The following CDAN1 variants were observed in gnomAD, a reference collection of about 807,000 sequenced individuals.
CDAN1 encodes codanin 1, also known as codanin-1.
A neutral mutation model predicts 139.8 loss-of-function variants in CDAN1; 107 were observed. The observed-to-expected ratio is 0.77, with a 90% CI of 0.65 to 0.90. The LOEUF (loss-of-function observed/expected upper bound fraction) is 0.90. CDAN1 is among the 40% of genes least tolerant of loss of function. The pLI is 0.00. For synonymous variants in CDAN1, 776 were observed against 660.6 expected (o/e 1.17, Z -2.68); for missense variants, 1,667 against 1,575.7 (o/e 1.06, Z -0.98).
intron 2 of CDAN1, 96 bp from the exon 3 acceptor site, chr15:42,736,174 C>CA: frequency 6.4e-7 from 1 of 1,571,520 alleles, no homozygotes. Flanking sequence ...AAAAACCCCA[C>CA]AAAAACCCTC....
intron 1 of CDAN1, 115 bp from the exon 2 acceptor site, chr15:42,736,895 T>C (rs1409121930): frequency 4.8e-6 from 7 of 1,460,790 alleles, no homozygotes; most frequent in Middle Eastern, 3.6e-4. Context: ...CGGCGCCCAG[T>C]TGGAGTGCAC....
Position 42,736,398 on chromosome 15 carries a change from C to T in CDAN1, c.473G>A (p.Ser158Asn), listed in dbSNP as rs2061688373. The T allele has an allele frequency of 6.2e-7, 1 of 1,612,072 alleles. No individual in the cohort carries two copies. The highest frequency in any genetic ancestry group is 8.5e-7 in the Non-Finnish European group (1 of 1,179,396). The stretch of plus-strand genomic sequence containing the variant: ...CAGCGTGAGGCTGGGGCGGCTGGGG[C>T]TGCCAGAGCCCCTAAGCCTCCGGCC... ...AGGRRLRGSG[S>N]PSRPSLTLSD... Residue 158 changes from serine (S) to asparagine (N), a missense_variant, in exon 2 of 28, where the codon AGC becomes AAC. Transcript: ENST00000356231.
rs1566979440 is a variant in CDAN1, at chr15:42,726,434, G to GAGAT, written c.3097-21_3097-18dup. 2 of 1,564,724 alleles carry GAGAT rather than the reference G, an allele frequency of 1.3e-6. No individual in the cohort carries two copies. The highest frequency in any genetic ancestry group is 1.4e-5 in the African/African-American group (1 of 73,976). The stretch of plus-strand genomic sequence containing the variant: ...GAGCACGTCCTGTGAAGAGCAGGGG[G>GAGAT]AGATATCACCTTGCGCTGGGGGCCA... On this transcript the variant is annotated splice_polypyrimidine_tract_variant and intron_variant, in intron 23 of 27. Transcript: ENST00000356231.
chr15:42,737,016 C>A lies in CDAN1; in HGVS notation c.87G>T (p.Ser29=). 1 of 1,546,658 alleles carries A rather than the reference C, an allele frequency of 6.5e-7. No individual in the cohort carries two copies. Among genetic ancestry groups the A allele is most frequent in the East Asian group, 2.5e-5 (1 of 40,720 alleles). ...GGGGGCGTGTCACCGCTGTTACCTCCGAACCCTGGGTGCTGCGCGCGATCC... is the reference window on the plus strand; with the variant it reads ...GGGGGCGTGTCACCGCTGTTACCTCAGAACCCTGGGTGCTGCGCGCGATCC... ...VRWIARSTQG[S]EDNAGEAAAL... Residue 29 remains serine (S), a synonymous_variant, in exon 1 of 28, where the codon TCG becomes TCT. Coordinates refer to ENST00000356231, the MANE Select transcript of CDAN1 (RefSeq NM_138477.4).
chr15:42,724,111 A>G lies in CDAN1; in HGVS notation c.*380T>C. ...TAACTTTCTTCATAAGTTAAGCAGG[A>G]GTCATTTGCCTCTGTCATGAATTCC... On this transcript the variant is annotated 3_prime_UTR_variant, in exon 28 of 28. Transcript: ENST00000356231. The G allele has an allele frequency of 3.2e-6, 1 of 312,206 alleles. No homozygotes were observed. The highest frequency in any genetic ancestry group is 2.2e-5 in the African/African-American group (1 of 46,424). The allele number at this position is 312,206 out of a possible 1,614,324, so 19.3% of individuals were successfully genotyped here.
rs2061514251 is a variant in CDAN1, at chr15:42,725,554, C to T, written c.3385G>A (p.Val1129Ile). The T allele has an allele frequency of 2.5e-6, 4 of 1,614,198 alleles. No homozygotes were observed. Among genetic ancestry groups the T allele is most frequent in the Non-Finnish European group, 3.4e-6 (4 of 1,180,042 alleles). Residue 1129 changes from valine to isoleucine, a missense_variant, in exon 26 of 28, where the codon GTT becomes ATT. By Grantham distance (29) the Val-to-Ile change is conservative (BLOSUM62 3). Coordinates refer to ENST00000356231, the MANE Select transcript of CDAN1 (RefSeq NM_138477.4). ...SLWKEDFQGP[V>I]PLQLLLSPRN... is the part of the protein sequence containing the mutation. ...GGGCTCAGCAGCAGCTGCAGCGGAA[C>T]CGGCCCCTGAAAGTCTTCCTTCCAC...
intron 20 of CDAN1, 116 bp from the exon 21 acceptor site, chr15:42,728,383 C>G (rs191610602): frequency 8.3e-7 from 1 of 1,212,022 alleles, no homozygotes; most frequent in Non-Finnish European, 1.2e-6. Context: ...GAAGGAGGCA[C>G]CGTTTGCCCT....
Position 42,736,439 on chromosome 15 carries a change from G to C in CDAN1, c.432C>G (p.Ser144Arg). The stretch of plus-strand genomic sequence containing the variant: ...GCCTCCGGCCCCCGGCTCCGGGCAG[G>C]CTCTCCCCGCTGACCCCCTCCTCCA... ...RGLEEGVSGE[S>R]LPGAGGRRLR... is the part of the protein sequence containing the mutation. The change falls in exon 2 of 28, where the codon AGC (serine) becomes AGG (arginine). Residue 144 changes from serine (S) to arginine (R), a missense_variant. Physicochemically the swap from Ser to Arg is moderately radical, Grantham distance 110 (BLOSUM62 -1). Around this residue, in one of 3 missense-constraint regions of CDAN1, gnomAD observed 487 missense variants for 422.2 expected, o/e 1.15. Transcript: ENST00000356231. 4 of 1,586,354 alleles carry C rather than the reference G, an allele frequency of 2.5e-6. No homozygotes were observed. Among genetic ancestry groups the C allele is most frequent in the Non-Finnish European group, 2.6e-6 (3 of 1,167,460 alleles).
rs1331469572 is a variant in CDAN1 at position 42,724,009 on chromosome 15, CT to C, written c.*481del. ...ACAGGCATGAGCCACCAGACCCGGC[CT>C]GTGTTAGGCATTTATAAGGAGATGG... On this transcript the variant is annotated 3_prime_UTR_variant, in exon 28 of 28. Coordinates refer to ENST00000356231, the MANE Select transcript of CDAN1 (RefSeq NM_138477.4). The C allele has an allele frequency of 1.9e-5, 4 of 208,160 alleles. No homozygotes were observed. The highest frequency in any genetic ancestry group is 4.7e-5 in the African/African-American group (2 of 42,306). 12.9% of individuals were successfully genotyped at this position (208,160 alleles called of 1,614,324 possible).
chr15:42,728,322 A>C, intron 20 of CDAN1, 55 bp from the exon 21 acceptor site: 1 of 1,577,794 alleles, frequency 6.3e-7, no homozygotes, highest in Non-Finnish European at 8.7e-7. Flanking sequence ...CTGGCTGCAG[A>C]AGTAAATGCC....
intron 7 of CDAN1, 45 bp downstream of exon 7, chr15:42,734,181 A>C: frequency 1.2e-6 from 2 of 1,613,948 alleles, no homozygotes; most frequent in South Asian, 2.2e-5. Context: ...GAAAGCTAGG[A>C]AGGGTTAGGT....
chr15:42,736,393 T>C lies in CDAN1; in HGVS notation c.478A>G (p.Ser160Gly). The C allele has an allele frequency of 1.2e-6, 2 of 1,612,558 alleles. No homozygotes were observed. Among genetic ancestry groups the C allele is most frequent in the Non-Finnish European group, 8.5e-7 (1 of 1,179,598 alleles). The change falls in exon 2 of 28, where the codon AGC becomes GGC. Residue 160 changes from serine (S) to glycine (G), a missense_variant. Physicochemically the swap from Ser to Gly is moderately conservative, Grantham distance 56. This residue lies in a region of CDAN1 where 487 missense variants were observed against 422.2 expected (regional missense o/e 1.15). Coordinates refer to ENST00000356231, the MANE Select transcript of CDAN1 (RefSeq NM_138477.4). ...TCAGACAGCGTGAGGCTGGGGCGGC[T>C]GGGGCTGCCAGAGCCCCTAAGCCTC... ...GRRLRGSGSP[S>G]RPSLTLSDPP...
chr15:42,729,547 C>G (rs117316699), intron 17 of CDAN1, 21 bp downstream of exon 17: 1 of 1,614,090 alleles, frequency 6.2e-7, no homozygotes, highest in East Asian at 2.2e-5. Flanking sequence ...CAAGGACCGT[C>G]CAGGGAAGAC....
intron 23 of CDAN1, 153 bp from the exon 24 acceptor site, chr15:42,726,570 T>G: frequency 1.6e-6 from 1 of 641,908 alleles, no homozygotes; most frequent in Non-Finnish European, 2.8e-6. Flanking sequence ...ACCTGGGACT[T>G]GGGCAGGATA....
At position 42,736,496 on chromosome 15, in the gene CDAN1, C is replaced by G; in HGVS notation, c.375G>C (p.Pro125=). 1 of 1,419,068 alleles carries G rather than the reference C, an allele frequency of 7.0e-7. No individual in the cohort carries two copies. The highest frequency in any genetic ancestry group is 3.3e-5 in the Admixed American group (1 of 30,486). The allele number at this position is 1,419,068 out of a possible 1,614,324, so 87.9% of individuals were successfully genotyped here. A position where few individuals can be genotyped will look rare whatever the true frequency, so the allele number is the denominator to read the frequency against. The change falls in exon 2 of 28, where the codon CCG becomes CCC. Residue 125 remains proline, a synonymous_variant. Coordinates refer to ENST00000356231, the MANE Select transcript of CDAN1 (RefSeq NM_138477.4). ...LARRGGRRRG[P]GPARERGGRG... is the part of the protein sequence containing the mutation. ...GGCCTCCACGCTCGCGGGCCGGCCC[C>G]GGGCCCCGCCTCCTGCCCCCGCGGC...
Position 42,727,767 on chromosome 15 carries a change from G to T in CDAN1, c.2950C>A (p.Leu984Met). ...CAWLSANITA[L>M]IRREVKAAVS... ...GCTGCTTTCACCTCCCTCCTGATCA[G>T]TGCTGTGGGGCAGAGGGAGAATGGG... The change falls in exon 23 of 28, where the codon CTG becomes ATG. Residue 984 changes from leucine (L) to methionine (M), a missense_variant and splice_region_variant. Physicochemically the swap from Leu to Met is conservative, Grantham distance 15. Transcript: ENST00000356231. The T allele has an allele frequency of 6.2e-7, 1 of 1,602,748 alleles. No homozygotes were observed.
rs905145838 is a variant in CDAN1, at chr15:42,733,851, A to C, written c.1367+87T>G. ...CTAACCCACCACCTGTTGGTGCCAAACTCCTAATTTCTATGAAACCAAACA... is the reference window on the plus strand; with the variant it reads ...CTAACCCACCACCTGTTGGTGCCAACCTCCTAATTTCTATGAAACCAAACA... On this transcript the variant is annotated intron_variant, in intron 8 of 27. Coordinates refer to ENST00000356231, the MANE Select transcript of CDAN1 (RefSeq NM_138477.4). 4.9e-6 allele frequency: 5 copies of C among 1,017,920 alleles called. No homozygotes were observed. In the Admixed American group the frequency reaches 9.6e-5, roughly 19 times the overall value. The allele number at this position is 1,017,920 out of a possible 1,614,324, so 63.1% of individuals were successfully genotyped here.
rs1303977016 is a variant in CDAN1, at chr15:42,728,886, T to G, written c.2646-76A>C. The stretch of plus-strand genomic sequence containing the variant: ...AGGCTGAAAATTTATGGGAATTTGG[T>G]CAGAAATTTGCTTCAAAATGTGTCA... On this transcript the variant is annotated intron_variant, in intron 19 of 27. Coordinates refer to ENST00000356231, the MANE Select transcript of CDAN1 (RefSeq NM_138477.4). The G allele has an allele frequency of 4.4e-6, 7 of 1,604,994 alleles. No individual in the cohort carries two copies. The African/African-American group carries it at 8.0e-5, about 18-fold the overall frequency.
intron 19 of CDAN1, 100 bp from the exon 20 acceptor site, chr15:42,728,910 C>T (rs1305044607): frequency 2.8e-5 from 45 of 1,583,532 alleles, no homozygotes; most frequent in Non-Finnish European, 3.9e-5. Flanking sequence ...CAAAATGTGT[C>T]AGCCATTTCA....
Sources: gnomAD v4.1 joint callset for allele counts on GRCh38, gnomAD v4.1.1 for gene constraint, gnomAD v4.1.1 regional missense constraint, MANE v1.5 for transcripts, NCBI Gene and HGNC (gene_info 2026-07-23, HGNC 2026-07-21) for gene names.